ATF7IP2: variants seen among roughly 807,000 people sequenced by gnomAD.
ATF7IP2 encodes the protein activating transcription factor 7 interacting protein 2.
In ATF7IP2, 42 loss-of-function variants were observed where a neutral mutation model predicts 64.2. The observed-to-expected ratio is 0.65, with a 90% confidence interval of 0.51 to 0.85. ATF7IP2 has a LOEUF of 0.85. Ranked by LOEUF, ATF7IP2 falls within the 40% of genes least tolerant of loss-of-function variation. ATF7IP2 has a pLI of 0.00. For synonymous variants in ATF7IP2, 308 were observed against 272.8 expected (o/e 1.13, Z -1.27); for missense variants, 933 against 784.2 (o/e 1.19, Z -2.27).
intron 8 of ATF7IP2, among the ~76,000 whole-genome samples, chr16:10,453,309 T>C (rs2141993997): frequency 6.6e-6 from 1 of 152,260 alleles, no homozygotes; most frequent in East Asian, 1.9e-4. Flanking sequence ...CCTCACGGCA[T>C]AGTCCATCAT....
At chr16:10,470,899 C>T (rs561567321) in intron 9 of ATF7IP2, among the ~76,000 whole-genome samples, 1 of 147,054 alleles carries the variant, frequency 6.8e-6, no homozygotes, top group South Asian at 2.1e-4. Flanking sequence ...ATGCAGAGAC[C>T]CAGAAGATGA....
rs75350375 is a variant in ATF7IP2 at position 10,425,123 on chromosome 16, A to G, written c.-159-3745A>G. Among the ~76,000 whole-genome samples, 230 of 150,112 alleles carry G rather than the reference A, an allele frequency of 1.5e-3. 9 individuals carry two copies. The East Asian group carries it at 0.044, about 28-fold the overall frequency. On this transcript the variant is annotated intron_variant, in intron 3 of 13. Transcript: ENST00000562102. ...GACCAGGCTAGCGTGCAATGGCTCAATCTCGGCTCACGGCACCCTCTGCCT... is the reference window on the plus strand; with the variant it reads ...GACCAGGCTAGCGTGCAATGGCTCAGTCTCGGCTCACGGCACCCTCTGCCT...
intron 1 of ATF7IP2, among the ~76,000 whole-genome samples, chr16:10,391,920 C>T (rs1596414295): frequency 6.6e-6 from 1 of 150,822 alleles, no homozygotes; most frequent in South Asian, 2.1e-4. Context: ...AAAGGAGGGA[C>T]AGCACTACAG....
intron 6 of ATF7IP2, among the ~76,000 whole-genome samples, chr16:10,436,626 A>G (rs2048428930): frequency 6.6e-6 from 1 of 152,194 alleles, no homozygotes; most frequent in South Asian, 2.1e-4. Context: ...TGATATCAAT[A>G]TAAGAGTTTA....
intron 1 of ATF7IP2, among the ~76,000 whole-genome samples, chr16:10,410,396 G>C (rs9935907): frequency 0.042 from 6,425 of 152,054 alleles, 486 homozygotes; most frequent in African/African-American, 0.15. Flanking sequence ...CCCAGCTATT[G>C]TAAAAGTTGT....
intron 1 of ATF7IP2, among the ~76,000 whole-genome samples, chr16:10,393,846 G>A (rs941185419): frequency 3.3e-5 from 5 of 152,114 alleles, no homozygotes; most frequent in African/African-American, 1.2e-4. Context: ...TTTGAGATGA[G>A]CTTGGGCACC....
At chr16:10,409,120 G>T (rs576295774) in intron 1 of ATF7IP2, among the ~76,000 whole-genome samples, 1 of 152,144 alleles carries the variant, frequency 6.6e-6, no homozygotes, top group Non-Finnish European at 1.5e-5. Context: ...TGGGCGGGGG[G>T]TAGGCGGGTC....
chr16:10,468,026 C>G (rs149838677), intron 9 of ATF7IP2, among the ~76,000 whole-genome samples: 3 of 151,566 alleles, frequency 2.0e-5, no homozygotes, highest in African/African-American at 7.3e-5. Flanking sequence ...ATTAAAGGCA[C>G]GTGCCACCAT....
chr16:10,433,796 T>TG, intron 6 of ATF7IP2, 147 bp downstream of exon 6: 1 of 819,342 alleles, frequency 1.2e-6, no homozygotes, highest in Non-Finnish European at 2.0e-6. Flanking sequence ...TCAGACAGAC[T>TG]GGGGAGAGAT....
At position 10,454,166 on chromosome 16, in the gene ATF7IP2, T is replaced by A. The variant is rs2049087579; in HGVS notation, c.1195-3206T>A. 2.0e-5 allele frequency: 3 copies of A among 151,830 alleles called. No individual in the cohort carries two copies. In the South Asian group the frequency reaches 6.3e-4, roughly 32 times the overall value. The allele number at this position is 151,830 out of a possible 1,614,324, so 9.4% of individuals were successfully genotyped here. On this transcript the variant is annotated intron_variant, in intron 8 of 13. Coordinates refer to ENST00000562102, the MANE Select transcript of ATF7IP2 (RefSeq NM_001393719.1). ...TGGCTCACACCTGTAATCCCAGCAC[T>A]TTGGGAGGCTGAGGCGGGCAGATCA... is the stretch of plus-strand genomic sequence containing the variant.
intron 1 of ATF7IP2, among the ~76,000 whole-genome samples, chr16:10,389,085 G>A (rs1314590955): frequency 1.3e-5 from 2 of 151,994 alleles, no homozygotes; most frequent in Non-Finnish European, 2.9e-5. Context: ...TTTTGAGGAG[G>A]TGATCTTTAA....
At chr16:10,470,710 G>A (rs2049762734) in intron 9 of ATF7IP2, among the ~76,000 whole-genome samples, 1 of 151,930 alleles carries the variant, frequency 6.6e-6, no homozygotes, top group Admixed American at 6.6e-5. Context: ...TTTGAGCCCA[G>A]AGGTTCAGGC....
chr16:10,429,743 T>A (rs1289144238), intron 4 of ATF7IP2, among the ~76,000 whole-genome samples: 9 of 144,660 alleles, frequency 6.2e-5, no homozygotes, highest in South Asian at 4.2e-4. Context: ...TATTTTATTT[T>A]ATTTATTTTA....
intron 1 of ATF7IP2, among the ~76,000 whole-genome samples, chr16:10,410,438 G>A (rs1345177360): frequency 6.6e-6 from 1 of 152,118 alleles, no homozygotes; most frequent in Non-Finnish European, 1.5e-5. Context: ...CTTGGTTGCT[G>A]CTGGTGTATA....
chr16:10,476,479 C>T (rs1256704715), intron 12 of ATF7IP2, among the ~76,000 whole-genome samples: 1 of 148,954 alleles, frequency 6.7e-6, no homozygotes, highest in East Asian at 2.0e-4. Context: ...ATTTACTCTC[C>T]CCAGTTGTGT....
chr16:10,406,293 A>G (rs1344871123), intron 1 of ATF7IP2, among the ~76,000 whole-genome samples: 13 of 151,962 alleles, frequency 8.6e-5, no homozygotes, highest in Non-Finnish European at 5.9e-5. Flanking sequence ...TTTTGTAGAG[A>G]TGGGGTTTTG....
chr16:10,408,720 T>C (rs560305850), intron 1 of ATF7IP2, among the ~76,000 whole-genome samples: 19 of 152,380 alleles, frequency 1.2e-4, no homozygotes, highest in African/African-American at 4.3e-4. Context: ...TTTGAGTGCC[T>C]TGTAGACTCT....
chr16:10,447,022 C>G (rs2048830716), intron 8 of ATF7IP2: 1 of 152,174 alleles, frequency 6.6e-6, no homozygotes, highest in African/African-American at 2.4e-5. Context: ...ATTTAGGTCC[C>G]TCTTAACATT....
intron 5 of ATF7IP2, among the ~76,000 whole-genome samples, chr16:10,432,802 TG>T (rs1394929961): frequency 6.6e-6 from 1 of 152,028 alleles, no homozygotes; most frequent in African/African-American, 2.4e-5. Flanking sequence ...TGCTTGAACC[TG>T]GGGGGCGGAA....
Sources: gnomAD v4.1 joint callset for allele counts (sites outside exome capture counted in the v4.1 genomes callset) on GRCh38, gnomAD v4.1.1 for gene constraint, MANE v1.5 for transcripts, NCBI Gene and HGNC (gene_info 2026-07-23, HGNC 2026-07-21) for gene names.